Variants in DYNC2LI1 observed in about 807,000 individuals in gnomAD.
DYNC2LI1 encodes the protein dynein cytoplasmic 2 light intermediate chain 1.
A neutral mutation model predicts 51.9 loss-of-function variants in DYNC2LI1; 45 were observed. That is an observed-to-expected ratio of 0.87 (90% CI 0.68 to 1.11). The LOEUF (loss-of-function observed/expected upper bound fraction) is 1.11, where lower values mean the gene tolerates loss of function less well. DYNC2LI1 is among the 50% of genes most tolerant of loss of function. DYNC2LI1 has a pLI of 0.00. For synonymous variants in DYNC2LI1, 130 were observed against 137.8 expected, an observed-to-expected ratio of 0.94 and a Z score of 0.40; for missense variants, 490 against 417.4, an observed-to-expected ratio of 1.17 and a Z score of -1.51.
chr2:43,792,857 T>C lies in DYNC2LI1; in HGVS notation c.321-1600T>C, dbSNP rs1673856222. ...CCCTCACTTCTAAGGCTAAATAATG[T>C]TCCATTGTGTAAACAAATACCACAG... On this transcript the variant is annotated intron_variant, in intron 5 of 12. Coordinates refer to ENST00000260605, the MANE Select transcript of DYNC2LI1 (RefSeq NM_016008.4). The C allele has an allele frequency of 4.1e-6, 6 of 1,456,426 alleles. No homozygotes were observed. The Admixed American group carries it at 1.5e-4, about 37-fold the overall frequency. 90.2% of individuals were successfully genotyped at this position (1,456,426 alleles called of 1,614,324 possible).
At chr2:43,807,575 G>A (rs959961055) in intron 12 of DYNC2LI1, among the ~76,000 whole-genome samples, 16 of 151,844 alleles carry the variant, frequency 1.1e-4, no homozygotes, top group Non-Finnish European at 5.9e-5. Context: ...AAGTAGCTGG[G>A]ACTACAGGCA....
the DYNC2LI1 span, chr2:43,824,091 A>G: frequency 5.6e-6 from 9 of 1,614,086 alleles, no homozygotes; most frequent in Non-Finnish European, 7.6e-6. Context: ...CTGCCAGCTT[A>G]TTTCTCACCA....
the DYNC2LI1 span, chr2:43,819,881 C>A: frequency 6.2e-7 from 1 of 1,606,754 alleles, no homozygotes; most frequent in Non-Finnish European, 8.5e-7. Context: ...AACAGATTAT[C>A]CCAATCTAAA....
the DYNC2LI1 span, among the ~76,000 whole-genome samples, chr2:43,815,595 A>G: frequency 4.5e-4 from 69 of 152,202 alleles, no homozygotes; most frequent in Admixed American, 4.5e-3. Context: ...ATTGAAAAGG[A>G]TACGTGGGAC....
At chr2:43,780,523 C>G (rs1324579607) in intron 2 of DYNC2LI1, among the ~76,000 whole-genome samples, 1 of 152,054 alleles carries the variant, frequency 6.6e-6, no homozygotes, top group Non-Finnish European at 1.5e-5. Context: ...AAGGAGGACC[C>G]TAATGTATGT....
chr2:43,804,575 CT>C lies in DYNC2LI1; in HGVS notation c.803-63del, dbSNP rs1666178503. ...ATGTATACCTTTGTTAGTGTCATTTCTTTTATTGGTGGAGTTTGTAATATTT... is the reference window on the plus strand; with the variant it reads ...ATGTATACCTTTGTTAGTGTCATTTCTTTATTGGTGGAGTTTGTAATATTT... On this transcript the variant is annotated intron_variant, in intron 10 of 12. Transcript: ENST00000260605. 4.9e-6 allele frequency: 5 copies of C among 1,026,096 alleles called. No homozygotes were observed. The East Asian group carries it at 1.3e-4, about 26-fold the overall frequency. 63.6% of individuals were successfully genotyped at this position (1,026,096 alleles called of 1,614,324 possible). A position where few individuals can be genotyped will look rare whatever the true frequency, so the allele number is the denominator to read the frequency against.
intron 2 of DYNC2LI1, among the ~76,000 whole-genome samples, chr2:43,782,359 G>C (rs1673330419): frequency 6.6e-6 from 1 of 151,820 alleles, no homozygotes; most frequent in African/African-American, 2.4e-5. Context: ...ATAATCTGGA[G>C]TAATTATCTT....
chr2:43,784,444 C>CTTT (rs1020543253), intron 3 of DYNC2LI1, among the ~76,000 whole-genome samples: 1 of 145,914 alleles, frequency 6.9e-6, no homozygotes, highest in Non-Finnish European at 1.5e-5. Flanking sequence ...TTCTTTCTTT[C>CTTT]TTTTTTTTTT....
chr2:43,774,375 C>G (rs1054492191), intron 1 of DYNC2LI1, among the ~76,000 whole-genome samples: 1 of 152,194 alleles, frequency 6.6e-6, no homozygotes, highest in Admixed American at 6.5e-5. Flanking sequence ...AGATCAGCAA[C>G]TCCACCCATT....
chr2:43,789,736 T>G lies in DYNC2LI1; in HGVS notation c.320+15T>G. 1 of 1,610,012 alleles carries G rather than the reference T, an allele frequency of 6.2e-7. No individual in the cohort carries two copies. Among genetic ancestry groups the G allele is most frequent in the Non-Finnish European group, 8.5e-7 (1 of 1,177,832 alleles). On this transcript the variant is annotated intron_variant, in intron 5 of 12. Coordinates refer to ENST00000260605, the MANE Select transcript of DYNC2LI1 (RefSeq NM_016008.4). The stretch of plus-strand genomic sequence containing the variant: ...GACACCTTACGGTAAGTGAGCCAGC[T>G]CCAGGAAAACCTGTAAGTACACAGG...
intron 9 of DYNC2LI1, 111 bp downstream of exon 9, chr2:43,801,028 C>A: frequency 2.2e-6 from 1 of 444,494 alleles, no homozygotes; most frequent in Non-Finnish European, 3.9e-6. Context: ...GGAAAGTGAC[C>A]CAGATGGCTT....
chr2:43,787,040 A>G (rs1673555814), intron 3 of DYNC2LI1, 141 bp from the exon 4 acceptor site: 1 of 573,368 alleles, frequency 1.7e-6, no homozygotes, highest in African/African-American at 1.9e-5. Flanking sequence ...TTGTGAATAT[A>G]ATTTATTTCA....
chr2:43,815,435 A>C, the DYNC2LI1 span, among the ~76,000 whole-genome samples: 3 of 152,226 alleles, frequency 2.0e-5, no homozygotes, highest in Non-Finnish European at 4.4e-5. Flanking sequence ...GTAGTGAACT[A>C]TTTGTGCCAA....
downstream of DYNC2LI1, among the ~76,000 whole-genome samples, chr2:43,814,123 A>T (rs1475321473): frequency 6.6e-6 from 1 of 152,088 alleles, no homozygotes; most frequent in Non-Finnish European, 1.5e-5. Context: ...GCTATGTACG[A>T]TGTACATTTT....
intron 8 of DYNC2LI1, among the ~76,000 whole-genome samples, chr2:43,798,216 G>C (rs10201698): frequency 0.44 from 66,317 of 151,994 alleles, 15,887 homozygotes; most frequent in African/African-American, 0.64. Flanking sequence ...TGGTCTAGCC[G>C]CTTGCTTTCA....
intron 5 of DYNC2LI1, among the ~76,000 whole-genome samples, chr2:43,792,364 C>T (rs919050209): frequency 2.9e-4 from 44 of 152,140 alleles, no homozygotes; most frequent in African/African-American, 9.9e-4. Flanking sequence ...TAATTTTGTG[C>T]TATGTCTTCT....
rs374982508 is a variant in DYNC2LI1, at chr2:43,774,135, G to A, written c.-4G>A. The stretch of plus-strand genomic sequence containing the variant: ...TGACGTTTGCGGCAGCCAGGCCGTC[G>A]ACGATGCCCAGGTATTCCCTGAACC... On this transcript the variant is annotated 5_prime_UTR_variant, in exon 1 of 13. Transcript: ENST00000260605. 1.9e-6 allele frequency: 3 copies of A among 1,613,858 alleles called. No individual in the cohort carries two copies. The African/African-American group carries it at 4.0e-5, about 22-fold the overall frequency.
Position 43,809,713 on chromosome 2 carries a change from A to G in DYNC2LI1, c.1002A>G (p.Glu334=). ...ACATATTTTTGTTTTAGGAACTGGAACAGTACAAAAGAAGTTCTTCCAAGT... is the reference window on the plus strand; with the variant it reads ...ACATATTTTTGTTTTAGGAACTGGAGCAGTACAAAAGAAGTTCTTCCAAGT... The part of the protein sequence containing the change: ...EMRIQKDLEL[E]QYKRSSSKSW... The change falls in exon 13 of 13, where the codon GAA becomes GAG. Residue 334 remains glutamate (E), a synonymous_variant. Transcript: ENST00000260605. The G allele has an allele frequency of 6.2e-7, 1 of 1,610,928 alleles. No homozygotes were observed. The highest frequency in any genetic ancestry group is 8.5e-7 in the Non-Finnish European group (1 of 1,178,570).
intron 8 of DYNC2LI1, among the ~76,000 whole-genome samples, chr2:43,800,543 A>G (rs1021870214): frequency 3.9e-5 from 6 of 152,140 alleles, no homozygotes; most frequent in African/African-American, 1.4e-4. Context: ...TCATATATAT[A>G]TATTTTAAAG....
Sources: allele counts gnomAD v4.1 joint callset (sites outside exome capture counted in the v4.1 genomes callset), GRCh38; gene constraint gnomAD v4.1.1; transcripts MANE v1.5; gene names NCBI Gene and HGNC (gene_info 2026-07-23, HGNC 2026-07-21).